The following DEPDC5 variants were observed in gnomAD, a reference collection of about 807,000 sequenced individuals.
DEPDC5 encodes DEP domain containing 5, GATOR1 subcomplex subunit.
A neutral mutation model predicts 217.3 loss-of-function variants in DEPDC5; 73 were observed. The observed-to-expected ratio is 0.34, with a 90% confidence interval of 0.28 to 0.41. The LOEUF (loss-of-function observed/expected upper bound fraction) is 0.41, where lower values mean the gene tolerates loss of function less well. Among genes scored for constraint, DEPDC5 ranks in the 10% least tolerant of loss-of-function variants. The pLI, the probability that DEPDC5 is intolerant of heterozygous loss-of-function variation, is 1.00. For missense variants in DEPDC5, 1,675 were observed against 2,070.1 expected, an observed-to-expected ratio of 0.81 and a Z score of 3.70; for synonymous variants, 733 against 756.7, an observed-to-expected ratio of 0.97 and a Z score of 0.51.
chr22:31,893,852 C>T, intron 39 of DEPDC5, 101 bp downstream of exon 39: 1 of 1,270,156 alleles, frequency 7.9e-7, no homozygotes, highest in Non-Finnish European at 1.0e-6. Context: ...TTAGTTCAGG[C>T]TCTTATTACC....
rs1312538715 is a variant in DEPDC5 at position 31,795,225 on chromosome 22, A to C, written c.768-2375A>C. Among the ~76,000 whole-genome samples the C allele has an allele frequency of 2.6e-5, 4 of 151,572 alleles. No homozygotes were observed. The East Asian group carries it at 7.8e-4, about 29-fold the overall frequency. ...GCTGGGATTGCAGGCATCTGCCATC[A>C]CACCTGGCTAATTTTTTTATTTTTA... On this transcript the variant is annotated intron_variant, in intron 12 of 42. Coordinates refer to ENST00000651528, the MANE Select transcript of DEPDC5 (RefSeq NM_001242896.3).
intron 24 of DEPDC5, among the ~76,000 whole-genome samples, chr22:31,827,070 G>A (rs906218805): frequency 4.0e-5 from 6 of 151,858 alleles, no homozygotes; most frequent in African/African-American, 9.7e-5. Context: ...AATTATATAC[G>A]TATGCTCTGA....
At chr22:31,831,670 A>G (rs756809945) in intron 24 of DEPDC5, among the ~76,000 whole-genome samples, 2 of 152,198 alleles carry the variant, frequency 1.3e-5, no homozygotes, top group Non-Finnish European at 1.5e-5. Context: ...CATGTTGGCC[A>G]GGCTGGTCTC....
chr22:31,755,243 T>C, intron 2 of DEPDC5: 1 of 488,696 alleles, frequency 2.0e-6, no homozygotes, highest in South Asian at 2.7e-5. Flanking sequence ...TTACAAATCT[T>C]CCGTGTATGT....
intron 14 of DEPDC5, among the ~76,000 whole-genome samples, chr22:31,799,962 C>T (rs2086697923): frequency 6.6e-6 from 1 of 151,462 alleles, no homozygotes; most frequent in Non-Finnish European, 1.5e-5. Flanking sequence ...GCCACCACAC[C>T]CAGCTAATTT....
In DEPDC5 at chr22:31,760,674, C is replaced by G. The variant is rs762835700; in HGVS notation, c.165C>G (p.Val55=). 12 of 1,613,130 alleles carry G rather than the reference C, an allele frequency of 7.4e-6. No homozygotes were observed. The South Asian group carries it at 1.2e-4, about 16-fold the overall frequency. ...NDEYSPLLLQ[V]KSLKEDLQKE... is the part of the protein sequence containing the mutation. ...TTTTCAGCCCTCTGCTTTTGCAGGT[C>G]AAGTCTCTTAAGGAAGATTTACAGA... The change falls in exon 4 of 43, where the codon GTC becomes GTG. Residue 55 remains valine (V), a synonymous_variant. Transcript: ENST00000651528.
chr22:31,904,266 A>G (rs190496763), intron 41 of DEPDC5, among the ~76,000 whole-genome samples: 3 of 152,092 alleles, frequency 2.0e-5, no homozygotes, highest in South Asian at 2.1e-4. Flanking sequence ...CCCTGCCCTT[A>G]CTGCGTTTCT....
chr22:31,852,417 C>T (rs531679048), intron 31 of DEPDC5, among the ~76,000 whole-genome samples: 200 of 151,132 alleles, frequency 1.3e-3, no homozygotes, highest in African/African-American at 4.1e-3. Flanking sequence ...CTTGGCTCAC[C>T]GCAGCCTCCA....
At chr22:31,806,316 T>C (rs1403760597) in intron 18 of DEPDC5, 125 bp downstream of exon 18, 2 of 761,488 alleles carry the variant, frequency 2.6e-6, no homozygotes, top group African/African-American at 3.5e-5. Flanking sequence ...CATGAGCCAT[T>C]CTGCCCAGCC....
chr22:31,905,595 G>C (rs576029759), intron 41 of DEPDC5, among the ~76,000 whole-genome samples: 19 of 152,050 alleles, frequency 1.2e-4, no homozygotes, highest in Admixed American at 1.2e-3. Context: ...AGGATGGGAT[G>C]GGGGAGAACG....
intron 41 of DEPDC5, among the ~76,000 whole-genome samples, chr22:31,904,810 A>G (rs1421670917): frequency 6.6e-6 from 1 of 152,218 alleles, no homozygotes; most frequent in African/African-American, 2.4e-5. Context: ...GGGAGCTTAC[A>G]GTGCATAGTA....
rs746197380 is a variant in DEPDC5 at position 31,843,098 on chromosome 22, T to A, written c.2519T>A (p.Leu840His). The change falls in exon 28 of 43, where the codon CTT becomes CAT. Residue 840 changes from leucine to histidine, a missense_variant. Around this residue, in one of 11 missense-constraint regions of DEPDC5, gnomAD observed 293 missense variants for 386.1 expected, o/e 0.76. Coordinates refer to ENST00000651528, the MANE Select transcript of DEPDC5 (RefSeq NM_001242896.3). ...GAAATTATTATTTTTCTGTTAGGCC[T>A]TGTGTCCCGAAACCGCCCTGAGGAG... The part of the protein sequence containing the change: ...LSSSPLYSRG[L>H]VSRNRPEEED... 1.2e-6 allele frequency: 2 copies of A among 1,612,138 alleles called. No homozygotes were observed. Among genetic ancestry groups the A allele is most frequent in the African/African-American group, 2.7e-5 (2 of 74,860 alleles).
chr22:31,883,194 A>G (rs181014799), intron 38 of DEPDC5, among the ~76,000 whole-genome samples: 3 of 151,928 alleles, frequency 2.0e-5, no homozygotes, highest in Non-Finnish European at 4.4e-5. Flanking sequence ...TGGTAAAATT[A>G]CCCCCAGCTG....
intron 26 of DEPDC5, 88 bp from the exon 27 acceptor site, chr22:31,838,597 G>C: frequency 6.5e-7 from 1 of 1,530,634 alleles, no homozygotes; most frequent in South Asian, 1.2e-5. Flanking sequence ...ATAAGGGGAT[G>C]AAGCAAAGGA....
chr22:31,897,624 T>C lies in DEPDC5; in HGVS notation c.4346T>C (p.Leu1449Pro). The change falls in exon 40 of 43, where the codon CTC becomes CCC. Residue 1449 changes from leucine to proline, a missense_variant. This residue lies in a region of DEPDC5 where 182 missense variants were observed against 290.1 expected (regional missense o/e 0.63). Transcript: ENST00000651528. ...ATCCCACTCAACATCAGCTGCTTGC[T>C]CAAGGAGGGCAGCGAGCACCTGTTT... Reference protein sequence around the residue: ...LFIPLNISCLLKEGSEHLFDS... With the variant: ...LFIPLNISCLPKEGSEHLFDS... The C allele has an allele frequency of 6.2e-7, 1 of 1,614,028 alleles. No homozygotes were observed. Among genetic ancestry groups the C allele is most frequent in the Non-Finnish European group, 8.5e-7 (1 of 1,180,000 alleles).
chr22:31,803,891 CTT>C (rs1406775569), intron 15 of DEPDC5, among the ~76,000 whole-genome samples: 4 of 152,104 alleles, frequency 2.6e-5, no homozygotes, highest in Non-Finnish European at 4.4e-5. Context: ...GTTTGGTTGT[CTT>C]TTTTTAAACA....
chr22:31,756,350 A>G (rs1451982567), intron 2 of DEPDC5, among the ~76,000 whole-genome samples: 1 of 152,098 alleles, frequency 6.6e-6, no homozygotes, highest in Non-Finnish European at 1.5e-5. Flanking sequence ...AGAGTGTTAG[A>G]CTCTGTGCTC....
chr22:31,833,066 A>T (rs189472047), intron 24 of DEPDC5, among the ~76,000 whole-genome samples: 1 of 152,116 alleles, frequency 6.6e-6, no homozygotes, highest in East Asian at 1.9e-4. Context: ...AAATATTTTT[A>T]TGTGTATTTA....
At chr22:31,762,009 C>G (rs2082434362) in intron 4 of DEPDC5, among the ~76,000 whole-genome samples, 1 of 151,924 alleles carries the variant, frequency 6.6e-6, no homozygotes. Flanking sequence ...TGCCTGTTGC[C>G]CAGGTTGGTC....
Sources: allele counts gnomAD v4.1 joint callset (sites outside exome capture counted in the v4.1 genomes callset), GRCh38; gene constraint gnomAD v4.1.1; regional missense constraint gnomAD v4.1.1; transcripts MANE v1.5; gene names NCBI Gene and HGNC (gene_info 2026-07-23, HGNC 2026-07-21).